LIPI: variants seen among roughly 807,000 people sequenced by gnomAD.
The protein encoded by LIPI is lipase I, also known as lipase member I.
In LIPI, 59 loss-of-function variants were observed where a neutral mutation model predicts 50.6. The observed-to-expected ratio is 1.16, with a 90% CI of 0.94 to 1.45. LIPI has a LOEUF of 1.45. Among genes scored for constraint, LIPI ranks in the 40% most tolerant of loss-of-function variants. The probability of loss-of-function intolerance (pLI) is 0.00; values close to 1 mark genes in which losing one functional copy is unlikely to be tolerated. For missense variants in LIPI, 586 were observed against 536.3 expected (o/e 1.09, Z -0.92); for synonymous variants, 203 against 178.2 (o/e 1.14, Z -1.11).
chr21:14,199,497 A>G (rs947248180), intron 1 of LIPI, among the ~76,000 whole-genome samples: 7 of 152,142 alleles, frequency 4.6e-5, no homozygotes, highest in South Asian at 2.1e-4. Flanking sequence ...GAAGAAATTG[A>G]TAAATTCCTG....
chr21:14,203,886 C>T (rs933306604), intron 1 of LIPI, among the ~76,000 whole-genome samples: 31 of 151,888 alleles, frequency 2.0e-4, no homozygotes, highest in African/African-American at 7.5e-4. Flanking sequence ...TACATATACA[C>T]CATGGAATAC....
At chr21:14,138,026 TGAA>T (rs1600851116) in intron 9 of LIPI, among the ~76,000 whole-genome samples, 2 of 152,162 alleles carry the variant, frequency 1.3e-5, no homozygotes, top group East Asian at 3.9e-4. Flanking sequence ...TTTTCAAGCA[TGAA>T]GAAGAAATAA....
At chr21:14,143,365 A>G (rs371919001) in intron 9 of LIPI, 3 of 152,300 alleles carry the variant, frequency 2.0e-5, no homozygotes, top group East Asian at 3.9e-4. Context: ...CCATTATAGC[A>G]ACATCTGATT....
chr21:14,173,631 T>G (rs779229629), intron 4 of LIPI, among the ~76,000 whole-genome samples: 4 of 152,300 alleles, frequency 2.6e-5, no homozygotes, highest in Non-Finnish European at 5.9e-5. Flanking sequence ...AGTAATAGAT[T>G]TAGCATAAAA....
intron 9 of LIPI, among the ~76,000 whole-genome samples, chr21:14,124,231 A>C (rs1213964361): frequency 6.6e-6 from 1 of 152,218 alleles, no homozygotes; most frequent in African/African-American, 2.4e-5. Flanking sequence ...CCTGGGAAGA[A>C]TATGTGCCTA....
At chr21:14,194,705 T>G (rs2019786421) in intron 1 of LIPI, among the ~76,000 whole-genome samples, 1 of 152,024 alleles carries the variant, frequency 6.6e-6, no homozygotes. Context: ...GAATTTGAGT[T>G]TTGAAAGATA....
At chr21:14,165,538 C>A (rs1231078084) in intron 5 of LIPI, 148 bp from the exon 6 acceptor site, 4 of 612,584 alleles carry the variant, frequency 6.5e-6, no homozygotes, top group Non-Finnish European at 5.7e-6. Flanking sequence ...TGTCAAACCA[C>A]TAAACAAATA....
chr21:14,184,901 G>C (rs1184725495), intron 3 of LIPI, among the ~76,000 whole-genome samples: 1 of 152,118 alleles, frequency 6.6e-6, no homozygotes, highest in Non-Finnish European at 1.5e-5. Context: ...GAGTAAGTAA[G>C]GGTATGCATA....
At chr21:14,183,239 T>C (rs923320368) in intron 3 of LIPI, among the ~76,000 whole-genome samples, 17 of 152,212 alleles carry the variant, frequency 1.1e-4, no homozygotes, top group African/African-American at 3.9e-4. Context: ...ATTCCCTATT[T>C]AATAAATGGT....
intron 9 of LIPI, among the ~76,000 whole-genome samples, chr21:14,114,071 G>A (rs2016521457): frequency 2.0e-5 from 3 of 151,984 alleles, no homozygotes; most frequent in African/African-American, 7.3e-5. Context: ...CCAGCTACTT[G>A]GGAGGGTGAG....
rs766303207 is a variant in LIPI at position 14,165,270 on chromosome 21, AAGCTAGTCTT to A, written c.844_853del (p.Lys282TyrfsTer27). On this transcript the variant is annotated frameshift_variant, in exon 6 of 10. Coordinates refer to ENST00000681601, the MANE Select transcript of LIPI (RefSeq NM_001302998.2). LOFTEE classifies it high-confidence loss of function. ...CTTAAAACAGTCACAGTCCACACAT[AAGCTAGTCTT>A]GTAATCTTTGTATGAACGACAAGGA... 7.4e-6 allele frequency: 12 copies of A among 1,612,968 alleles called. No individual in the cohort carries two copies. The highest frequency in any genetic ancestry group is 3.3e-4 in the Middle Eastern group (2 of 6,052).
At position 14,166,423 on chromosome 21, in the gene LIPI, A is replaced by G; in HGVS notation, c.672T>C (p.His224=). The G allele has an allele frequency of 6.2e-7, 1 of 1,609,648 alleles. No individual in the cohort carries two copies. Among genetic ancestry groups the G allele is most frequent in the Non-Finnish European group, 8.5e-7 (1 of 1,176,026 alleles). Residue 224 remains histidine (H), a synonymous_variant, in exon 5 of 10, where the codon CAT becomes CAC. Transcript: ENST00000681601. ...NGLGIQEPLG[H]IDFYPNGGNK... ...TTCCTCCATTTGGATAAAAATCTAT[A>G]TGTCCCAAGGGCTCTTGAATGCCTA... is the stretch of plus-strand genomic sequence containing the variant.
chr21:14,181,630 A>G, intron 4 of LIPI, 128 bp downstream of exon 4: 1 of 643,874 alleles, frequency 1.6e-6, no homozygotes, highest in East Asian at 2.9e-5. Flanking sequence ...AAATATTATC[A>G]TTCTATAATT....
At chr21:14,120,710 A>C (rs1346478214) in intron 9 of LIPI, among the ~76,000 whole-genome samples, 1 of 152,242 alleles carries the variant, frequency 6.6e-6, no homozygotes, top group Non-Finnish European at 1.5e-5. Context: ...TGTGGTTCAC[A>C]CAGGAAAATG....
intron 4 of LIPI, among the ~76,000 whole-genome samples, chr21:14,175,811 T>C (rs1161297078): frequency 6.6e-6 from 1 of 152,298 alleles, no homozygotes; most frequent in Non-Finnish European, 1.5e-5. Context: ...TTCTGTTTTT[T>C]CTCTCCAAGA....
intron 9 of LIPI, among the ~76,000 whole-genome samples, chr21:14,116,416 C>T (rs896641440): frequency 2.6e-5 from 4 of 152,024 alleles, no homozygotes; most frequent in Admixed American, 6.6e-5. Flanking sequence ...TAATAGGACC[C>T]GGTCTGGTGA....
intron 4 of LIPI, among the ~76,000 whole-genome samples, chr21:14,169,841 GA>G (rs1265689051): frequency 1.3e-5 from 2 of 152,112 alleles, no homozygotes; most frequent in African/African-American, 2.4e-5. Flanking sequence ...TAAGCTAGCA[GA>G]AGGCAAGAAA....
At chr21:14,203,658 T>G (rs370826146) in intron 1 of LIPI, among the ~76,000 whole-genome samples, 18 of 151,744 alleles carry the variant, frequency 1.2e-4, no homozygotes, top group East Asian at 3.9e-4. Flanking sequence ...CACAGGAAGG[T>G]GAACATCACA....
chr21:14,145,127 T>TAGACCCTTTAACAACTATC (rs11269463), intron 8 of LIPI, among the ~76,000 whole-genome samples: 129,113 of 152,028 alleles, frequency 0.85, 55,343 homozygotes, highest in African/African-American at 0.96. Context: ...ATGTGTTTTT[T>TAGACCCTTTAACAACTATC]ACAGTTCCTT....
Sources: gnomAD v4.1 joint callset for allele counts (sites outside exome capture counted in the v4.1 genomes callset) on GRCh38, gnomAD v4.1.1 for gene constraint, MANE v1.5 for transcripts, NCBI Gene and HGNC (gene_info 2026-07-23, HGNC 2026-07-21) for gene names.